The following HAUS7 variants were observed in gnomAD, a reference collection of about 807,000 sequenced individuals.
HAUS7 encodes HAUS augmin-like complex subunit 7.
A neutral mutation model predicts 28.4 loss-of-function variants in HAUS7; 3 were observed. That is an observed-to-expected ratio of 0.11 (90% confidence interval 0.05 to 0.27). HAUS7 has a LOEUF of 0.27. Among genes scored for constraint, HAUS7 ranks in the 10% least tolerant of loss-of-function variants. The pLI, the probability that HAUS7 is intolerant of heterozygous loss-of-function variation, is 1.00. For missense variants in HAUS7, 284 were observed against 297.3 expected, an observed-to-expected ratio of 0.96 and a Z score of 0.33; for synonymous variants, 165 against 132.1, an observed-to-expected ratio of 1.25 and a Z score of -1.71.
rs782458255 is a variant in HAUS7, at chrX:153,469,767, G to A, written c.109-506C>T. Among the ~76,000 whole-genome samples, 170 of 111,982 alleles carry A rather than the reference G, an allele frequency of 1.5e-3. 1 individual carries two copies. Among genetic ancestry groups the A allele is most frequent in the Non-Finnish European group, 2.8e-3 (148 of 53,141 alleles). On this transcript the variant is annotated intron_variant, in intron 1 of 9. Coordinates refer to ENST00000370211, the MANE Select transcript of HAUS7 (RefSeq NM_001385482.1). ...CACCTCTTTCAAGTACTCCCACTCTGGGCTCTTGTGGCAGCAGGACCTAGG... is the reference window on the plus strand; with the variant it reads ...CACCTCTTTCAAGTACTCCCACTCTAGGCTCTTGTGGCAGCAGGACCTAGG...
chrX:153,472,151 G>A (rs1033722434), upstream of HAUS7, among the ~76,000 whole-genome samples: 39 of 110,840 alleles, frequency 3.5e-4, no homozygotes, highest in Non-Finnish European at 5.9e-4. Context: ...CCTGAGGACC[G>A]GGAAGAAACC....
intron 3 of HAUS7, among the ~76,000 whole-genome samples, chrX:153,464,397 G>A (rs2089431474): frequency 8.9e-6 from 1 of 112,565 alleles, no homozygotes; most frequent in South Asian, 3.6e-4. Context: ...ACTGGCCCCA[G>A]ATAACTCATG....
chrX:153,471,001 T>A, upstream of HAUS7: 1 of 331,574 alleles, frequency 3.0e-6, no homozygotes, highest in Non-Finnish European at 5.9e-6. Flanking sequence ...CGCTCCTGCC[T>A]TGGTCGGGTT....
chrX:153,480,942 G>A (rs782443797), intron 1 of HAUS7: 5 of 754,204 alleles, frequency 6.6e-6, no homozygotes, highest in East Asian at 1.5e-4. Flanking sequence ...GGAGGACCAG[G>A]GCCAGAGGAC....
chrX:153,462,091 C>T (rs782585175), intron 4 of HAUS7: 656 of 1,008,983 alleles, frequency 6.5e-4, no homozygotes, highest in Non-Finnish European at 8.3e-4. Flanking sequence ...AAAAAGAAAA[C>T]GTGTTCAGTC....
At chrX:153,495,421 T>C (rs1053805162) in exon 1 of HAUS7, 1 of 111,681 alleles carries the variant, frequency 9.0e-6, no homozygotes, top group Non-Finnish European at 1.9e-5. Context: ...CCGCTCGGGG[T>C]CCGTCTTCTT....
At chrX:153,492,226 G>A (rs1031541007) in intron 1 of HAUS7, among the ~76,000 whole-genome samples, 3 of 113,528 alleles carry the variant, frequency 2.6e-5, no homozygotes, top group African/African-American at 9.6e-5. Flanking sequence ...AGCTCTGCTC[G>A]CTAGCAAGGA....
intron 4 of HAUS7, among the ~76,000 whole-genome samples, chrX:153,460,620 G>A (rs142070237): frequency 1.5e-3 from 164 of 110,925 alleles, no homozygotes; most frequent in African/African-American, 5.3e-3. Context: ...TGTTTTTCAT[G>A]ACTGACATGG....
chrX:153,476,324 C>T (rs1156524828), intron 1 of HAUS7, among the ~76,000 whole-genome samples: 1 of 112,440 alleles, frequency 8.9e-6, no homozygotes, highest in African/African-American at 3.2e-5. Flanking sequence ...TCTCACGGTC[C>T]TCACCTGATC....
At chrX:153,477,160 G>A (rs782490417) in intron 1 of HAUS7, among the ~76,000 whole-genome samples, 25 of 113,475 alleles carry the variant, frequency 2.2e-4, no homozygotes, top group African/African-American at 7.7e-4. Context: ...CTGCCTAGGT[G>A]GGTAGGAGCG....
At chrX:153,452,056 G>C (rs1333175718) in intron 9 of HAUS7, among the ~76,000 whole-genome samples, 3 of 112,662 alleles carry the variant, frequency 2.7e-5, no homozygotes, top group African/African-American at 9.7e-5. Context: ...ACAGAATTTT[G>C]AAAAGAAAGT....
chrX:153,454,696 C>A (rs2089282502), intron 8 of HAUS7, 188 bp from the exon 9 acceptor site: 1 of 476,811 alleles, frequency 2.1e-6, no homozygotes. Flanking sequence ...AATCAGAGTT[C>A]TCGGACCTAA....
intron 9 of HAUS7, 138 bp from the exon 10 acceptor site, chrX:153,448,047 A>C (rs2089185257): frequency 4.0e-6 from 2 of 494,959 alleles, no homozygotes; most frequent in African/African-American, 4.7e-5. Flanking sequence ...TACTGGGTAT[A>C]TACCCAAAGG....
rs1556981939 is a variant in HAUS7, at chrX:153,455,569, C to T, written c.903G>A (p.Thr301=). The T allele has an allele frequency of 3.1e-5, 37 of 1,205,452 alleles. No homozygotes were observed. Among genetic ancestry groups the T allele is most frequent in the East Asian group, 5.9e-5 (2 of 33,821 alleles). The part of the protein sequence containing the change: ...LHPCGPIIQA[T]HQNLTSYSQL... ...GGCTGTAGGAAGTCAGATTCTGGTG[C>T]GTGGCCTGGATGATGGGGCCGCACG... Residue 301 remains threonine (T), a synonymous_variant, in exon 8 of 10, where the codon ACG becomes ACA. Coordinates refer to ENST00000370211, the MANE Select transcript of HAUS7 (RefSeq NM_001385482.1).
In HAUS7 at chrX:153,486,792, G is replaced by C. The variant is rs782032085; in HGVS notation, c.-589+8582C>G. On this transcript the variant is annotated intron_variant, in intron 1 of 5. Transcript: ENST00000370210. ...GCGTGGTCCTCCAGCCCCAGCGGCG[G>C]GGGGAGGAGGGCTCCTAGTCCTGCC... The C allele has an allele frequency of 5.7e-5, 56 of 981,013 alleles. No individual in the cohort carries two copies. The Admixed American group carries it at 1.6e-3, about 29-fold the overall frequency. 80.8% of individuals were successfully genotyped at this position (981,013 alleles called of 1,213,427 possible). A position where few individuals can be genotyped will look rare whatever the true frequency, so the allele number is the denominator to read the frequency against.
upstream of HAUS7, among the ~76,000 whole-genome samples, chrX:153,472,943 C>T (rs903719525): frequency 9.0e-6 from 1 of 111,186 alleles, no homozygotes; most frequent in African/African-American, 3.3e-5. Context: ...GTTGGCCATG[C>T]GTCCCAGCAG....
chrX:153,482,785 C>T, intron 1 of HAUS7: 12 of 745,451 alleles, frequency 1.6e-5, no homozygotes, highest in Non-Finnish European at 1.9e-5. Flanking sequence ...TCCCCCTGGC[C>T]TTCCAGCCCC....
At chrX:153,470,332 C>T in intron 1 of HAUS7, 118 bp downstream of exon 1, 1 of 708,803 alleles carries the variant, frequency 1.4e-6, no homozygotes, top group Non-Finnish European at 2.1e-6. Flanking sequence ...CAGGGCGCAG[C>T]CGGAACCGGC....
intron 9 of HAUS7, among the ~76,000 whole-genome samples, chrX:153,448,509 G>A (rs927225247): frequency 5.4e-5 from 6 of 110,095 alleles, no homozygotes; most frequent in Admixed American, 4.8e-4. Context: ...TAACCTGCAC[G>A]TTGTGCACAT....
Sources: gnomAD v4.1 joint callset for allele counts (sites outside exome capture counted in the v4.1 genomes callset) on GRCh38, gnomAD v4.1.1 for gene constraint, MANE v1.5 for transcripts, NCBI Gene and HGNC (gene_info 2026-07-23, HGNC 2026-07-21) for gene names.